Variants in SYNJ2BP observed in about 807,000 individuals in gnomAD.
The protein encoded by SYNJ2BP is synaptojanin 2 binding protein, also known as synaptojanin-2-binding protein.
SYNJ2BP carries 10 observed loss-of-function variants against 16.9 expected under a neutral mutation model. That is an observed-to-expected ratio of 0.59 (90% confidence interval 0.36 to 1.00). The LOEUF (loss-of-function observed/expected upper bound fraction) is 1.00, where lower values mean the gene tolerates loss of function less well. SYNJ2BP is among the 50% of genes least tolerant of loss of function. The pLI is 0.01. For synonymous variants in SYNJ2BP, 54 were observed against 68.4 expected (o/e 0.79, Z 1.04); for missense variants, 162 against 186.7 (o/e 0.87, Z 0.77).
chr14:70,389,534 T>C (rs1887936198), intron 1 of SYNJ2BP, among the ~76,000 whole-genome samples: 1 of 152,170 alleles, frequency 6.6e-6, no homozygotes, highest in Non-Finnish European at 1.5e-5. Context: ...CATATATAGG[T>C]TGAGTATCCC....
intron 1 of SYNJ2BP, among the ~76,000 whole-genome samples, chr14:70,392,215 G>A (rs958953888): frequency 6.6e-6 from 1 of 152,124 alleles, no homozygotes; most frequent in Non-Finnish European, 1.5e-5. Flanking sequence ...CTATGTGTTA[G>A]GCATTACGTT....
At position 70,375,710 on chromosome 14, in the gene SYNJ2BP, G is replaced by T; in HGVS notation, c.263C>A (p.Ala88Glu). The change falls in exon 3 of 4, where the codon GCA (alanine) becomes GAA (glutamate). Residue 88 changes from alanine to glutamate, a missense_variant. Ala to Glu is a moderately radical substitution (Grantham distance 107). Transcript: ENST00000256366. ...HQDAVDLFRN[A>E]GYAVSLRVQH... is the part of the protein sequence containing the mutation. Reference sequence around the variant, plus strand: ...CACTCTCAGAGACACAGCATAGCCTGCATTACGAAAGAGGTCTACAGCATC... The same window carrying T: ...CACTCTCAGAGACACAGCATAGCCTTCATTACGAAAGAGGTCTACAGCATC... The T allele has an allele frequency of 6.2e-7, 1 of 1,614,118 alleles. No homozygotes were observed. The highest frequency in any genetic ancestry group is 2.2e-5 in the East Asian group (1 of 44,882).
At chr14:70,373,285 G>C (rs2140804711) in intron 3 of SYNJ2BP, among the ~76,000 whole-genome samples, 154 bp from the exon 4 acceptor site, 1 of 152,270 alleles carries the variant, frequency 6.6e-6, no homozygotes, top group East Asian at 1.9e-4. Context: ...TCTTTGTCCT[G>C]AGCTGATGCA....
chr14:70,372,821 T>C lies in SYNJ2BP; in HGVS notation c.*170A>G. ...GTTTTCCTTCAAACAATACCTTTACTTTCCCATTAGAATATGAAGAATTGG... is the reference window on the plus strand; with the variant it reads ...GTTTTCCTTCAAACAATACCTTTACCTTCCCATTAGAATATGAAGAATTGG... On this transcript the variant is annotated 3_prime_UTR_variant, in exon 4 of 4. Transcript: ENST00000256366. The C allele has an allele frequency of 1.0e-6, 1 of 992,962 alleles. No homozygotes were observed. Among genetic ancestry groups the C allele is most frequent in the Non-Finnish European group, 1.5e-6 (1 of 685,746 alleles). 61.5% of individuals were successfully genotyped at this position (992,962 alleles called of 1,614,324 possible).
intron 3 of SYNJ2BP, among the ~76,000 whole-genome samples, chr14:70,373,938 T>C (rs1043817573): frequency 2.0e-5 from 3 of 152,218 alleles, no homozygotes; most frequent in African/African-American, 7.2e-5. Context: ...CTCATAAAAC[T>C]GACACTTCAA....
chr14:70,404,281 T>G (rs1273223798), intron 1 of SYNJ2BP, among the ~76,000 whole-genome samples: 1 of 152,150 alleles, frequency 6.6e-6, no homozygotes, highest in African/African-American at 2.4e-5. Context: ...GACCCTGTCT[T>G]AAAGACAAAC....
At chr14:70,378,605 T>G (rs997361596) in intron 2 of SYNJ2BP, among the ~76,000 whole-genome samples, 4 of 151,990 alleles carry the variant, frequency 2.6e-5, no homozygotes, top group Non-Finnish European at 5.9e-5. Flanking sequence ...GGCTAAAATT[T>G]TAATAATAGT....
intron 1 of SYNJ2BP, among the ~76,000 whole-genome samples, chr14:70,409,987 G>A (rs1181882534): frequency 6.6e-6 from 1 of 151,004 alleles, no homozygotes; most frequent in African/African-American, 2.4e-5. Flanking sequence ...GTGTGGTGGT[G>A]CATGTCTGTA....
At chr14:70,398,226 C>T (rs1160913090) in intron 1 of SYNJ2BP, among the ~76,000 whole-genome samples, 1 of 152,152 alleles carries the variant, frequency 6.6e-6, no homozygotes, top group Non-Finnish European at 1.5e-5. Context: ...ACAGACAGCC[C>T]AGAAAAGGCA....
At chr14:70,416,349 A>ATTTTTTTTTTTTTTTTTTT (rs1888607331) in intron 1 of SYNJ2BP, among the ~76,000 whole-genome samples, 1 of 143,354 alleles carries the variant, frequency 7.0e-6, no homozygotes, top group Non-Finnish European at 1.5e-5. Flanking sequence ...GCCCTGGGTA[A>ATTTTTTTTTTTTTTTTTTT]TTTTGTGGCG....
At chr14:70,376,681 GTAGACATTATTT>G (rs1243582633) in intron 2 of SYNJ2BP, among the ~76,000 whole-genome samples, 1 of 152,188 alleles carries the variant, frequency 6.6e-6, no homozygotes, top group Admixed American at 6.5e-5. Context: ...ACCCTATGAG[GTAGACATTATTT>G]TTATCTCGTT....
At position 70,384,003 on chromosome 14, in the gene SYNJ2BP, G is replaced by A. The variant is rs191536154; in HGVS notation, c.201+4467C>T. ...GATGGAGTCTTGCTCCATTGCCCAG[G>A]CTGGAGTGCAGTGGCGCGATCTCGG... On this transcript the variant is annotated intron_variant, in intron 2 of 3. Transcript: ENST00000256366. 1.1e-4 allele frequency among the ~76,000 whole-genome samples: 16 copies of A among 151,480 alleles called. No homozygotes were observed. In the East Asian group the frequency reaches 1.9e-3, roughly 18 times the overall value.
intron 2 of SYNJ2BP, among the ~76,000 whole-genome samples, chr14:70,381,416 A>T (rs1594944261): frequency 6.6e-6 from 1 of 152,210 alleles, no homozygotes; most frequent in South Asian, 2.1e-4. Context: ...CGCATCCTTT[A>T]CCCAAGGTAA....
intron 1 of SYNJ2BP, among the ~76,000 whole-genome samples, chr14:70,400,671 T>G (rs765283555): frequency 2.0e-5 from 3 of 152,202 alleles, no homozygotes; most frequent in Non-Finnish European, 4.4e-5. Context: ...TAGGCAAAAA[T>G]GTATATTCCC....
At chr14:70,406,886 A>G (rs1186190323) in intron 1 of SYNJ2BP, among the ~76,000 whole-genome samples, 1 of 152,144 alleles carries the variant, frequency 6.6e-6, no homozygotes, top group Non-Finnish European at 1.5e-5. Context: ...CTGTACAGCT[A>G]GCGCTGTGTG....
At chr14:70,411,476 C>A (rs961594705) in intron 1 of SYNJ2BP, among the ~76,000 whole-genome samples, 2 of 152,198 alleles carry the variant, frequency 1.3e-5, no homozygotes, top group African/African-American at 4.8e-5. Context: ...TCCATACTAA[C>A]ACTAAAGACT....
chr14:70,382,022 G>C (rs188617933), intron 2 of SYNJ2BP, among the ~76,000 whole-genome samples: 1 of 152,170 alleles, frequency 6.6e-6, no homozygotes, highest in Non-Finnish European at 1.5e-5. Flanking sequence ...GGATCACGAG[G>C]TCAGGAGATC....
At chr14:70,406,635 G>T (rs970079874) in intron 1 of SYNJ2BP, among the ~76,000 whole-genome samples, 5 of 152,112 alleles carry the variant, frequency 3.3e-5, no homozygotes, top group South Asian at 2.1e-4. Context: ...CTGATATTTT[G>T]CAGACCCTGC....
At chr14:70,405,747 G>A (rs1888332058) in intron 1 of SYNJ2BP, among the ~76,000 whole-genome samples, 1 of 152,062 alleles carries the variant, frequency 6.6e-6, no homozygotes. Flanking sequence ...GGTAGAATAT[G>A]GTTCTCTCTT....
Sources: allele counts gnomAD v4.1 joint callset (sites outside exome capture counted in the v4.1 genomes callset), GRCh38; gene constraint gnomAD v4.1.1; transcripts MANE v1.5; gene names NCBI Gene and HGNC (gene_info 2026-07-23, HGNC 2026-07-21).